The following ZNF316 variants were observed in gnomAD, a reference collection of about 807,000 sequenced individuals.
The protein encoded by ZNF316 is zinc finger protein 316.
In ZNF316, 23 loss-of-function variants were observed where a neutral mutation model predicts 75.6. The ratio of observed to expected loss-of-function variants is 0.30; its 90% CI spans 0.22 to 0.43. The LOEUF (loss-of-function observed/expected upper bound fraction) is 0.43, where lower values mean the gene tolerates loss of function less well. Among genes scored for constraint, ZNF316 ranks in the 20% least tolerant of loss-of-function variants. The probability of loss-of-function intolerance (pLI) is 1.00; values close to 1 mark genes in which losing one functional copy is unlikely to be tolerated. For synonymous variants in ZNF316, 827 were observed against 666.2 expected, an observed-to-expected ratio of 1.24 and a Z score of -3.72; for missense variants, 1,266 against 1,409.4, an observed-to-expected ratio of 0.90 and a Z score of 1.63.
Position 6,640,273 on chromosome 7 carries a change from C to A in ZNF316, c.-167+1132C>A, listed in dbSNP as rs939121110. On this transcript the variant is annotated intron_variant, in intron 3 of 8. Transcript: ENST00000382252. The surrounding 1 kb of genome is among the most constrained non-coding windows in gnomAD (Gnocchi z 5.1). ...TGTAAAGAAATACCTGAGACTGGGT[C>A]ATTTATAAAGAAGAGGTGAGACTGG... Among the ~76,000 whole-genome samples the A allele has an allele frequency of 6.6e-6, 1 of 152,126 alleles. No individual in the cohort carries two copies. Among genetic ancestry groups the A allele is most frequent in the African/African-American group, 2.4e-5 (1 of 41,418 alleles).
chr7:6,645,993 CAAAAA>C (rs58670070), intron 8 of ZNF316, among the ~76,000 whole-genome samples: 2 of 98,970 alleles, frequency 2.0e-5, no homozygotes, highest in Admixed American at 1.2e-4. Context: ...GACGCCATCT[CAAAAA>C]AAAAAAAAAA....
At position 6,657,341 on chromosome 7, in the gene ZNF316, C is replaced by T. The variant is rs1419607469; in HGVS notation, c.*2730C>T. 2.1e-5 allele frequency among the ~76,000 whole-genome samples: 3 copies of T among 139,964 alleles called. No homozygotes were observed. Among genetic ancestry groups the T allele is most frequent in the Admixed American group, 7.2e-5 (1 of 13,828 alleles). The allele number at this position is 139,964 out of a possible 152,430, so 91.8% of individuals were successfully genotyped here. ...AAAAAAAAAAAAAAAAAAAAAAAGC[C>T]GGGCATAGTGGTATGCATCTGTAGT... On this transcript the variant is annotated 3_prime_UTR_variant, in exon 9 of 9. Transcript: ENST00000382252.
Position 6,642,115 on chromosome 7 carries a change from A to G in ZNF316, c.-29+153A>G, listed in dbSNP as rs540285762. ...GAGCAGCAGTTCACACCAGGCACGT[A>G]GTTCTTGGTGAAAAGGAGCTGAGAC... On this transcript the variant is annotated intron_variant, in intron 4 of 8. Coordinates refer to ENST00000382252, the MANE Select transcript of ZNF316 (RefSeq NM_001278559.2). This position sits in a 1 kb window ranked among gnomAD's most constrained non-coding sequence, Gnocchi z 8.1. The G allele has an allele frequency of 1.9e-5, 6 of 320,434 alleles. No homozygotes were observed. Among genetic ancestry groups the G allele is most frequent in the African/African-American group, 6.4e-5 (3 of 47,126 alleles). 19.8% of individuals were successfully genotyped at this position (320,434 alleles called of 1,614,324 possible).
Position 6,640,242 on chromosome 7 carries a change from C to T in ZNF316, c.-167+1101C>T, listed in dbSNP as rs1399916812. Among the ~76,000 whole-genome samples the T allele has an allele frequency of 2.6e-5, 4 of 152,132 alleles. No individual in the cohort carries two copies. The highest frequency in any genetic ancestry group is 2.6e-4 in the Admixed American group (4 of 15,274). On this transcript the variant is annotated intron_variant, in intron 3 of 8. Coordinates refer to ENST00000382252, the MANE Select transcript of ZNF316 (RefSeq NM_001278559.2). The surrounding 1 kb of genome is among the most constrained non-coding windows in gnomAD (Gnocchi z 5.1). ...TTGTCCAGGTGTCAGGCTGTTCTCG[C>T]ATTGCTGTAAAGAAATACCTGAGAC...
At chr7:6,646,898 C>G (rs569077802) in intron 8 of ZNF316, among the ~76,000 whole-genome samples, 1 of 152,170 alleles carries the variant, frequency 6.6e-6, no homozygotes, top group Non-Finnish European at 1.5e-5. Flanking sequence ...CATCTGGGCT[C>G]TGGCACTGCC....
intron 8 of ZNF316, among the ~76,000 whole-genome samples, chr7:6,651,614 A>G (rs941320746): frequency 6.6e-6 from 1 of 151,950 alleles, no homozygotes; most frequent in Non-Finnish European, 1.5e-5. Flanking sequence ...TTTAAAAAAA[A>G]AAGCCGGGCG....
In ZNF316 at chr7:6,653,187, G is replaced by C. The variant is rs1257293449; in HGVS notation, c.1591G>C (p.Glu531Gln). The stretch of plus-strand genomic sequence containing the variant: ...CGAGACGGCGGCCGCCGCGGGGCCC[G>C]AGGACACGGACCCTGGGCCAGAGGG... ...PGETAAAAGP[E>Q]DTDPGPEGSE... is the part of the protein sequence containing the mutation. Residue 531 changes from glutamate to glutamine, a missense_variant, in exon 9 of 9, where the codon GAG becomes CAG. By Grantham distance (29) the Glu-to-Gln change is conservative. Around this residue, in one of 3 missense-constraint regions of ZNF316, gnomAD observed 961 missense variants for 990.9 expected, o/e 0.97. Transcript: ENST00000382252. The C allele has an allele frequency of 8.2e-7, 1 of 1,214,524 alleles. No individual in the cohort carries two copies. Among genetic ancestry groups the C allele is most frequent in the African/African-American group, 1.6e-5 (1 of 63,514 alleles). 75.2% of individuals were successfully genotyped at this position (1,214,524 alleles called of 1,614,324 possible).
At position 6,658,051 on chromosome 7, in the gene ZNF316, C is replaced by A. The variant is rs1779656838; in HGVS notation, c.*3440C>A. ...AGGTGGCACTTAGAGGGTCCCTCAGCCCTGAGCGTCACTTTCCCCTCCATC... is the reference window on the plus strand; with the variant it reads ...AGGTGGCACTTAGAGGGTCCCTCAGACCTGAGCGTCACTTTCCCCTCCATC... On this transcript the variant is annotated 3_prime_UTR_variant, in exon 9 of 9. Coordinates refer to ENST00000382252, the MANE Select transcript of ZNF316 (RefSeq NM_001278559.2). Among the ~76,000 whole-genome samples the A allele has an allele frequency of 6.6e-6, 1 of 152,110 alleles. No individual in the cohort carries two copies. The highest frequency in any genetic ancestry group is 2.1e-4 in the South Asian group (1 of 4,832).
At chr7:6,647,652 A>T (rs1213134108) in intron 8 of ZNF316, among the ~76,000 whole-genome samples, 1 of 152,198 alleles carries the variant, frequency 6.6e-6, no homozygotes, top group Non-Finnish European at 1.5e-5. Context: ...TCAGTCAGCC[A>T]ACTCCGTGGA....
chr7:6,654,200 C>T lies in ZNF316; in HGVS notation c.2604C>T (p.Phe868=). ...GCTGCGCCGACTGCGGCCGCGGCTT[C>T]GCGCAGCGCTCCAACCTGGCCAAGC... ...PFRCADCGRG[F]AQRSNLAKHR... Residue 868 remains phenylalanine, a synonymous_variant, in exon 9 of 9, where the codon TTC becomes TTT. Coordinates refer to ENST00000382252, the MANE Select transcript of ZNF316 (RefSeq NM_001278559.2). 1.1e-5 allele frequency: 13 copies of T among 1,224,058 alleles called. No individual in the cohort carries two copies. The highest frequency in any genetic ancestry group is 1.3e-5 in the Non-Finnish European group (13 of 982,192). The allele number at this position is 1,224,058 out of a possible 1,614,324, so 75.8% of individuals were successfully genotyped here.
At chr7:6,645,458 C>G (rs1031653208) in intron 8 of ZNF316, among the ~76,000 whole-genome samples, 3 of 151,828 alleles carry the variant, frequency 2.0e-5, no homozygotes, top group African/African-American at 7.3e-5. Flanking sequence ...CTGAGGTGGA[C>G]AGATCACTCG....
chr7:6,643,037 T>G lies in ZNF316; in HGVS notation c.429T>G (p.Asp143Glu), dbSNP rs916993017. Residue 143 changes from aspartate (D) to glutamate (E), a missense_variant, in exon 6 of 9, where the codon GAT becomes GAG. Around this residue, in one of 3 missense-constraint regions of ZNF316, gnomAD observed 961 missense variants for 990.9 expected, o/e 0.97. Coordinates refer to ENST00000382252, the MANE Select transcript of ZNF316 (RefSeq NM_001278559.2). ...AGGAGGAGGAAGAGGAGGAGGAGGA[T>G]GAGGACGAGGATGATTTGCTGACGG... ...DLEEEEEEEEDEDEDDLLTAG... is the reference protein window; with the variant it reads ...DLEEEEEEEEEEDEDDLLTAG... 17 of 1,240,066 alleles carry G rather than the reference T, an allele frequency of 1.4e-5. No homozygotes were observed. The highest frequency in any genetic ancestry group is 6.2e-5 in the African/African-American group (4 of 64,572). 76.8% of individuals were successfully genotyped at this position (1,240,066 alleles called of 1,614,324 possible).
At chr7:6,646,897 T>A (rs550994078) in intron 8 of ZNF316, among the ~76,000 whole-genome samples, 2 of 152,236 alleles carry the variant, frequency 1.3e-5, no homozygotes, top group South Asian at 4.2e-4. Context: ...ACATCTGGGC[T>A]CTGGCACTGC....
At chr7:6,646,805 CAG>C (rs1157638216) in intron 8 of ZNF316, among the ~76,000 whole-genome samples, 10 of 152,106 alleles carry the variant, frequency 6.6e-5, no homozygotes, top group Admixed American at 6.5e-5. Flanking sequence ...CCCAGGCTGA[CAG>C]AGTTTGTTTC....
intron 8 of ZNF316, among the ~76,000 whole-genome samples, chr7:6,647,212 CCCCAGTGAGGGGCAGG>C (rs887659767): frequency 3.9e-5 from 6 of 152,158 alleles, no homozygotes; most frequent in Non-Finnish European, 7.4e-5. Context: ...AGGTCACCTG[CCCCAGTGAGGGGCAGG>C]CCCAGTGCCT....
At chr7:6,645,856 T>C (rs1779391888) in intron 8 of ZNF316, among the ~76,000 whole-genome samples, 1 of 151,064 alleles carries the variant, frequency 6.6e-6, no homozygotes, top group South Asian at 2.1e-4. Flanking sequence ...TAGCTGGGTG[T>C]GGTGGTGCGC....
chr7:6,651,420 C>T lies in ZNF316; in HGVS notation c.707-883C>T, dbSNP rs998947858. Among the ~76,000 whole-genome samples the T allele has an allele frequency of 1.2e-4, 18 of 152,140 alleles. No homozygotes were observed. The South Asian group carries it at 1.7e-3, about 14-fold the overall frequency. ...CTGTAATCCCAGCACTTTGGGAGGCCGAGGTGGGCAGATCACCTGAGGTCA... is the reference window on the plus strand; with the variant it reads ...CTGTAATCCCAGCACTTTGGGAGGCTGAGGTGGGCAGATCACCTGAGGTCA... On this transcript the variant is annotated intron_variant, in intron 8 of 8. Transcript: ENST00000382252.
rs1441395395 is a variant in ZNF316, at chr7:6,658,094, T to C, written c.*3483T>C. Among the ~76,000 whole-genome samples the C allele has an allele frequency of 6.6e-6, 1 of 152,092 alleles. No individual in the cohort carries two copies. Among genetic ancestry groups the C allele is most frequent in the Non-Finnish European group, 1.5e-5 (1 of 68,020 alleles). On this transcript the variant is annotated 3_prime_UTR_variant, in exon 9 of 9. Coordinates refer to ENST00000382252, the MANE Select transcript of ZNF316 (RefSeq NM_001278559.2). ...CCTCCATCTACCTTTGTTATTTCCT[T>C]TCTCTTTTGCCGGTTTCCCCAACCT...
chr7:6,643,735 A>G, intron 6 of ZNF316, 87 bp from the exon 7 acceptor site: 4 of 1,184,448 alleles, frequency 3.4e-6, no homozygotes, highest in African/African-American at 1.6e-5. Flanking sequence ...CCTGACACCC[A>G]TGCTGGAGAG....
Sources: allele counts gnomAD v4.1 joint callset (sites outside exome capture counted in the v4.1 genomes callset), GRCh38; gene constraint gnomAD v4.1.1; regional missense constraint gnomAD v4.1.1; non-coding constraint Gnocchi (gnomAD v3.1); transcripts MANE v1.5; gene names NCBI Gene and HGNC (gene_info 2026-07-23, HGNC 2026-07-21).